The following HECW1 variants were observed in gnomAD, a reference collection of about 807,000 sequenced individuals.
HECW1 encodes the protein E3 ubiquitin-protein ligase HECW1.
A neutral mutation model predicts 182.3 loss-of-function variants in HECW1; 61 were observed. That is an observed-to-expected ratio of 0.33 (90% confidence interval 0.27 to 0.41). The LOEUF is 0.41. HECW1 is among the 10% of genes least tolerant of loss of function. The pLI is 1.00. For synonymous variants in HECW1, 859 were observed against 832.6 expected, an observed-to-expected ratio of 1.03 and a Z score of -0.55; for missense variants, 1,739 against 2,108.9, an observed-to-expected ratio of 0.82 and a Z score of 3.44.
chr7:43,465,232 T>C (rs1049720336), intron 14 of HECW1, among the ~76,000 whole-genome samples: 3 of 152,230 alleles, frequency 2.0e-5, no homozygotes, highest in African/African-American at 4.8e-5. Flanking sequence ...ATTTACTGTA[T>C]AGAAAAAAAT....
chr7:43,239,714 G>A lies in HECW1; in HGVS notation c.-31-4161G>A, dbSNP rs1344736078. ...TTGCCCCAGCTGACCAGATTTCTGG[G>A]GATGTCAGATACACCCACTTAAAAT... On this transcript the variant is annotated intron_variant, in intron 2 of 29. Coordinates refer to ENST00000395891, the MANE Select transcript of HECW1 (RefSeq NM_015052.5). 8.5e-5 allele frequency among the ~76,000 whole-genome samples: 13 copies of A among 152,310 alleles called. No homozygotes were observed. In the South Asian group the frequency reaches 1.7e-3, roughly 19 times the overall value.
chr7:43,393,110 C>T (rs180925990), intron 6 of HECW1, among the ~76,000 whole-genome samples: 21 of 152,232 alleles, frequency 1.4e-4, no homozygotes, highest in Admixed American at 3.3e-4. Context: ...AAACCATTTG[C>T]CAAGTATGCT....
intron 2 of HECW1, among the ~76,000 whole-genome samples, chr7:43,230,943 C>T: frequency 6.6e-6 from 1 of 152,166 alleles, no homozygotes; most frequent in East Asian, 1.9e-4. Flanking sequence ...CAAGCATTAG[C>T]ACATCATCAG....
intron 2 of HECW1, among the ~76,000 whole-genome samples, chr7:43,115,789 G>A (rs1330382185): frequency 6.6e-6 from 1 of 152,146 alleles, no homozygotes; most frequent in Non-Finnish European, 1.5e-5. Context: ...TCCCTGCAAG[G>A]CATAATTAAC....
intron 3 of HECW1, among the ~76,000 whole-genome samples, chr7:43,246,926 G>A (rs896612842): frequency 6.6e-6 from 1 of 152,134 alleles, no homozygotes; most frequent in Non-Finnish European, 1.5e-5. Context: ...CTAGACCCCT[G>A]CATCCCCAAC....
chr7:43,333,021 AG>A (rs1811689939), intron 5 of HECW1, among the ~76,000 whole-genome samples: 1 of 152,236 alleles, frequency 6.6e-6, no homozygotes, highest in Non-Finnish European at 1.5e-5. Context: ...TTTAGCCAAT[AG>A]ACCAAAGTAG....
chr7:43,405,931 G>A (rs2152843817), intron 7 of HECW1, among the ~76,000 whole-genome samples: 1 of 152,240 alleles, frequency 6.6e-6, no homozygotes, highest in South Asian at 2.1e-4. Context: ...TGGCAATTGT[G>A]GGGGCAAAAG....
intron 2 of HECW1, among the ~76,000 whole-genome samples, chr7:43,134,731 T>C (rs981070134): frequency 2.7e-5 from 4 of 149,708 alleles, no homozygotes; most frequent in Non-Finnish European, 5.9e-5. Flanking sequence ...GATTTTTTTT[T>C]CTTACTTTAA....
chr7:43,423,190 G>A (rs1245541073), intron 8 of HECW1, among the ~76,000 whole-genome samples: 1 of 152,214 alleles, frequency 6.6e-6, no homozygotes, highest in Non-Finnish European at 1.5e-5. Context: ...GGTACTGGTG[G>A]TGAGTGTGTG....
intron 8 of HECW1, among the ~76,000 whole-genome samples, chr7:43,430,416 G>A (rs921147706): frequency 6.6e-5 from 10 of 152,162 alleles, no homozygotes; most frequent in African/African-American, 2.4e-4. Context: ...AAAGTTTATT[G>A]TCACACAAAA....
At chr7:43,162,606 A>G (rs1790661574) in intron 2 of HECW1, among the ~76,000 whole-genome samples, 1 of 152,256 alleles carries the variant, frequency 6.6e-6, no homozygotes, top group Non-Finnish European at 1.5e-5. Flanking sequence ...CACAGTTGCC[A>G]GGCATTAGGA....
chr7:43,237,248 A>G (rs558335450), intron 2 of HECW1, among the ~76,000 whole-genome samples: 2 of 152,272 alleles, frequency 1.3e-5, no homozygotes, highest in South Asian at 2.1e-4. Context: ...GGGAAAAGGG[A>G]CATTGCTGCC....
intron 5 of HECW1, among the ~76,000 whole-genome samples, chr7:43,343,942 C>T (rs1039095205): frequency 7.2e-5 from 11 of 151,732 alleles, no homozygotes; most frequent in African/African-American, 1.9e-4. Flanking sequence ...TTTTAATGAT[C>T]GCCATTCTAA....
At chr7:43,179,581 G>GTCA (rs1317271537) in intron 2 of HECW1, among the ~76,000 whole-genome samples, 15 of 134,424 alleles carry the variant, frequency 1.1e-4, no homozygotes, top group Non-Finnish European at 3.5e-5. Context: ...TGTTGTTGTT[G>GTCA]TCGTTTTTGC....
At chr7:43,394,368 AT>A (rs958828528) in intron 6 of HECW1, among the ~76,000 whole-genome samples, 1 of 152,182 alleles carries the variant, frequency 6.6e-6, no homozygotes, top group Non-Finnish European at 1.5e-5. Context: ...AAGAAGGCTA[AT>A]TGTTGTCAAA....
At chr7:43,506,056 A>G (rs2079565953) in intron 21 of HECW1, among the ~76,000 whole-genome samples, 2 of 152,240 alleles carry the variant, frequency 1.3e-5, no homozygotes, top group African/African-American at 2.4e-5. Context: ...TAAAGTATTT[A>G]CAAAGCACTC....
At chr7:43,145,278 C>T (rs984633687) in intron 2 of HECW1, among the ~76,000 whole-genome samples, 8 of 152,128 alleles carry the variant, frequency 5.3e-5, no homozygotes, top group Admixed American at 2.0e-4. Context: ...ATCAGCATGG[C>T]TTTGCCCTTT....
At chr7:43,376,104 C>A (rs1322413749) in intron 6 of HECW1, among the ~76,000 whole-genome samples, 2 of 150,834 alleles carry the variant, frequency 1.3e-5, no homozygotes, top group Non-Finnish European at 3.0e-5. Flanking sequence ...CCACATAACC[C>A]AATAAACCAA....
At position 43,327,893 on chromosome 7, in the gene HECW1, C is replaced by T. The variant is rs112557061; in HGVS notation, c.460+7151C>T. 4.7e-3 allele frequency among the ~76,000 whole-genome samples: 709 copies of T among 151,912 alleles called. 3 individuals are homozygous for T. Among genetic ancestry groups the T allele is most frequent in the African/African-American group, 0.015 (641 of 41,426 alleles). On this transcript the variant is annotated intron_variant, in intron 5 of 29. Coordinates refer to ENST00000395891, the MANE Select transcript of HECW1 (RefSeq NM_015052.5). Reference sequence around the variant, plus strand: ...TGATTAAAGAGCAAGATTAAAGGCACGGCAGGGTGGAGCTGAGAAGTACAG... The same window carrying T: ...TGATTAAAGAGCAAGATTAAAGGCATGGCAGGGTGGAGCTGAGAAGTACAG...
Sources: gnomAD v4.1 joint callset for allele counts (sites outside exome capture counted in the v4.1 genomes callset) on GRCh38, gnomAD v4.1.1 for gene constraint, MANE v1.5 for transcripts, NCBI Gene and HGNC (gene_info 2026-07-23, HGNC 2026-07-21) for gene names.